TMTC2: variants seen among roughly 807,000 people sequenced by gnomAD.
TMTC2 encodes the protein protein O-mannosyl-transferase TMTC2.
In TMTC2, 43 loss-of-function variants were observed where a neutral mutation model predicts 82.4. The ratio of observed to expected loss-of-function variants is 0.52; its 90% confidence interval spans 0.41 to 0.67. The LOEUF is 0.67. TMTC2 is among the 30% of genes least tolerant of loss of function. The pLI, the probability that TMTC2 is intolerant of heterozygous loss-of-function variation, is 0.00. For missense variants in TMTC2, 919 were observed against 1,012.4 expected (o/e 0.91, Z 1.25); for synonymous variants, 408 against 381.9 (o/e 1.07, Z -0.80).
At chr12:82,753,016 T>C (rs76855570) in intron 1 of TMTC2, among the ~76,000 whole-genome samples, 1 of 152,136 alleles carries the variant, frequency 6.6e-6, no homozygotes, top group Non-Finnish European at 1.5e-5. Context: ...TTCTCTCTCT[T>C]GGTCTTTTCA....
intron 1 of TMTC2, among the ~76,000 whole-genome samples, chr12:82,733,827 A>G (rs1339642024): frequency 2.0e-5 from 3 of 152,226 alleles, no homozygotes; most frequent in Non-Finnish European, 4.4e-5. Context: ...AGCATATTCC[A>G]GTAAATATCA....
At chr12:82,852,136 C>T (rs930398774) in intron 1 of TMTC2, among the ~76,000 whole-genome samples, 3 of 147,702 alleles carry the variant, frequency 2.0e-5, no homozygotes, top group African/African-American at 2.5e-5. Context: ...GAGTCTCGCT[C>T]TGTCGCCCAG....
At chr12:82,719,676 T>TTTC (rs1874106624) in intron 1 of TMTC2, among the ~76,000 whole-genome samples, 1 of 150,122 alleles carries the variant, frequency 6.7e-6, no homozygotes, top group Non-Finnish European at 1.5e-5. Context: ...TCTGTCTTTT[T>TTTC]TTTTTTTTTT....
intron 4 of TMTC2, among the ~76,000 whole-genome samples, chr12:82,943,417 G>C (rs576177909): frequency 1.3e-5 from 2 of 152,164 alleles, no homozygotes; most frequent in South Asian, 4.2e-4. Context: ...AGCTTTCAAA[G>C]TTTCATCACC....
chr12:82,815,127 C>T (rs1163754558), intron 1 of TMTC2, among the ~76,000 whole-genome samples: 1 of 150,798 alleles, frequency 6.6e-6, no homozygotes, highest in East Asian at 1.9e-4. Context: ...GTACAGTTTT[C>T]ATGTAAGCTC....
At chr12:82,860,805 C>G (rs901509652) in intron 2 of TMTC2, among the ~76,000 whole-genome samples, 3 of 152,176 alleles carry the variant, frequency 2.0e-5, no homozygotes, top group African/African-American at 7.2e-5. Context: ...TAGTAATTGA[C>G]CAAAGCTGAA....
chr12:82,754,635 G>A (rs924634581), intron 1 of TMTC2, among the ~76,000 whole-genome samples: 4 of 152,138 alleles, frequency 2.6e-5, no homozygotes, highest in African/African-American at 9.7e-5. Context: ...TACTTAGGGG[G>A]CTGAGGTGGG....
At chr12:82,830,863 T>A (rs941536834) in intron 1 of TMTC2, among the ~76,000 whole-genome samples, 1 of 152,162 alleles carries the variant, frequency 6.6e-6, no homozygotes, top group African/African-American at 2.4e-5. Context: ...AAGTTTTAAA[T>A]GTATACCAAA....
intron 1 of TMTC2, among the ~76,000 whole-genome samples, chr12:82,689,248 C>G (rs1872473776): frequency 6.6e-6 from 1 of 152,028 alleles, no homozygotes; most frequent in Non-Finnish European, 1.5e-5. Flanking sequence ...CAGTTACTGG[C>G]TCTGTTGGGG....
At chr12:83,045,727 G>GGGCTCACACACTCACACACACA (rs1437284307) in intron 9 of TMTC2, among the ~76,000 whole-genome samples, 1 of 142,452 alleles carries the variant, frequency 7.0e-6, no homozygotes, top group Non-Finnish European at 1.5e-5. Flanking sequence ...ACACACACAC[G>GGGCTCACACACTCACACACACA]CACACACACA....
At chr12:82,884,384 G>C (rs1330937659) in intron 2 of TMTC2, among the ~76,000 whole-genome samples, 1 of 152,116 alleles carries the variant, frequency 6.6e-6, no homozygotes, top group African/African-American at 2.4e-5. Flanking sequence ...GTGTCCTCTC[G>C]TACAATACAT....
Position 83,050,887 on chromosome 12 carries a change from G to T in TMTC2, c.2153-17G>T, listed in dbSNP as rs760820301. 1.3e-5 allele frequency: 21 copies of T among 1,587,522 alleles called. No homozygotes were observed. Among genetic ancestry groups the T allele is most frequent in the Admixed American group, 8.6e-5 (5 of 57,938 alleles). Reference sequence around the variant, plus strand: ...GGATTTTCTGAGTTGAAGCTCACTGGTTTTTATACTTTTCAGGTCAGTTTC... The same window carrying T: ...GGATTTTCTGAGTTGAAGCTCACTGTTTTTTATACTTTTCAGGTCAGTTTC... On this transcript the variant is annotated splice_polypyrimidine_tract_variant and intron_variant, in intron 9 of 11. Transcript: ENST00000321196.
At chr12:82,926,831 G>A (rs376851420) in intron 3 of TMTC2, among the ~76,000 whole-genome samples, 10 of 152,242 alleles carry the variant, frequency 6.6e-5, no homozygotes, top group South Asian at 2.1e-4. Context: ...CTGGATTTCC[G>A]AGATGACAAC....
intron 7 of TMTC2, among the ~76,000 whole-genome samples, chr12:82,969,079 G>C (rs1878342297): frequency 1.3e-5 from 2 of 152,094 alleles, no homozygotes; most frequent in Admixed American, 1.3e-4. Context: ...AATACCCCAA[G>C]TGTTGGCTCT....
chr12:82,942,296 A>T (rs765829754), intron 4 of TMTC2, among the ~76,000 whole-genome samples: 1 of 152,220 alleles, frequency 6.6e-6, no homozygotes, highest in Admixed American at 6.5e-5. Flanking sequence ...ATAGTGAAGT[A>T]TATACTTGTA....
At chr12:82,942,664 G>T (rs1413644613) in intron 4 of TMTC2, among the ~76,000 whole-genome samples, 1 of 151,958 alleles carries the variant, frequency 6.6e-6, no homozygotes. Context: ...TTGAGTTTTG[G>T]CCAAGACATA....
At chr12:82,912,808 C>T (rs1874757474) in intron 3 of TMTC2, among the ~76,000 whole-genome samples, 1 of 151,844 alleles carries the variant, frequency 6.6e-6, no homozygotes, top group African/African-American at 2.4e-5. Flanking sequence ...TGTGGTGGTG[C>T]ATACCTGTAG....
At chr12:83,014,009 G>A (rs1042774344) in intron 8 of TMTC2, among the ~76,000 whole-genome samples, 18 of 152,192 alleles carry the variant, frequency 1.2e-4, no homozygotes, top group Admixed American at 1.2e-3. Flanking sequence ...TCTCTGTTTT[G>A]TCTTTTCTTC....
intron 11 of TMTC2, among the ~76,000 whole-genome samples, chr12:83,077,287 T>A (rs1883311675): frequency 6.6e-6 from 1 of 152,152 alleles, no homozygotes; most frequent in Non-Finnish European, 1.5e-5. Flanking sequence ...GCCTGGAGGA[T>A]AGGCACTTTC....
Sources: allele counts gnomAD v4.1 joint callset (sites outside exome capture counted in the v4.1 genomes callset), GRCh38; gene constraint gnomAD v4.1.1; transcripts MANE v1.5; gene names NCBI Gene and HGNC (gene_info 2026-07-23, HGNC 2026-07-21).